Variants in TENM4 observed in about 807,000 individuals in gnomAD.
The protein encoded by TENM4 is teneurin-4.
Under a neutral mutation model 243.3 loss-of-function variants are expected in TENM4, and 82 were observed. That is an observed-to-expected ratio of 0.34 (90% confidence interval 0.28 to 0.40). The LOEUF (loss-of-function observed/expected upper bound fraction) is 0.40, where lower values mean the gene tolerates loss of function less well. Among genes scored for constraint, TENM4 ranks in the 10% least tolerant of loss-of-function variants. The probability of loss-of-function intolerance (pLI) is 1.00; values close to 1 mark genes in which losing one functional copy is unlikely to be tolerated. For synonymous variants in TENM4, 1,412 were observed against 1,456.3 expected (o/e 0.97, Z 0.69); for missense variants, 3,138 against 3,673.3 (o/e 0.85, Z 3.77).
chr11:79,078,213 A>G (rs931897112), intron 4 of TENM4, among the ~76,000 whole-genome samples: 1 of 152,220 alleles, frequency 6.6e-6, no homozygotes, highest in African/African-American at 2.4e-5. Context: ...AATTGACTGA[A>G]TTCCTACTGG....
At chr11:79,160,686 T>C (rs2135083815) in intron 3 of TENM4, among the ~76,000 whole-genome samples, 1 of 152,298 alleles carries the variant, frequency 6.6e-6, no homozygotes, top group East Asian at 1.9e-4. Flanking sequence ...TGAGAATAAG[T>C]TGTCAGCAAT....
chr11:78,942,649 A>T (rs1465643200), intron 6 of TENM4, among the ~76,000 whole-genome samples: 1 of 152,116 alleles, frequency 6.6e-6, no homozygotes, highest in African/African-American at 2.4e-5. Context: ...TCTGTGGGCA[A>T]CACGAGACAG....
chr11:79,001,297 A>G (rs1230450564), intron 6 of TENM4, among the ~76,000 whole-genome samples: 20 of 152,146 alleles, frequency 1.3e-4, no homozygotes, highest in Admixed American at 1.3e-3. Flanking sequence ...GAGGGAAGAC[A>G]TTGATAGTGG....
intron 1 of TENM4, among the ~76,000 whole-genome samples, chr11:79,426,478 C>T (rs557601477): frequency 1.3e-5 from 2 of 152,228 alleles, no homozygotes; most frequent in African/African-American, 4.8e-5. Context: ...TGAATAAATG[C>T]GATAATATAG....
At chr11:78,843,119 A>G (rs1858301145) in intron 12 of TENM4, among the ~76,000 whole-genome samples, 1 of 152,078 alleles carries the variant, frequency 6.6e-6, no homozygotes, top group African/African-American at 2.4e-5. Flanking sequence ...TCTCTACTAA[A>G]AATAAAAAAT....
chr11:79,225,349 T>C (rs747565296), intron 2 of TENM4, among the ~76,000 whole-genome samples: 10 of 152,230 alleles, frequency 6.6e-5, no homozygotes, highest in Non-Finnish European at 1.3e-4. Context: ...ACAATTCTCC[T>C]GCATCTCTGC....
intron 6 of TENM4, among the ~76,000 whole-genome samples, chr11:78,938,179 C>T (rs79656380): frequency 0.01 from 1,586 of 152,326 alleles, 23 homozygotes; most frequent in African/African-American, 0.037. Context: ...CAAGATTCTT[C>T]CTGCTGCAGC....
At chr11:79,062,602 T>A (rs1860131532) in intron 6 of TENM4, among the ~76,000 whole-genome samples, 1 of 152,220 alleles carries the variant, frequency 6.6e-6, no homozygotes. Flanking sequence ...CCTACATTAT[T>A]TGACCACAGA....
intron 32 of TENM4, among the ~76,000 whole-genome samples, chr11:78,668,200 T>C (rs189005773): frequency 5.9e-5 from 9 of 152,274 alleles, no homozygotes; most frequent in African/African-American, 9.6e-5. Flanking sequence ...TTCTTTTTTT[T>C]CCCTCTTTTC....
At chr11:79,297,362 C>T (rs1414981496) in intron 2 of TENM4, 126 bp downstream of exon 2, 1 of 152,608 alleles carries the variant, frequency 6.6e-6, no homozygotes, top group African/African-American at 2.4e-5. Context: ...CTGACTCGTG[C>T]AATACTGACT....
At chr11:78,819,395 C>G (rs1489335105) in intron 12 of TENM4, among the ~76,000 whole-genome samples, 1 of 152,204 alleles carries the variant, frequency 6.6e-6, no homozygotes, top group Non-Finnish European at 1.5e-5. Context: ...AATCCTGAAG[C>G]CTCATTTTGT....
In TENM4 at chr11:79,382,491, A is replaced by G. The variant is rs551152579; in HGVS notation, c.-321+58018T>C. 2.2e-4 allele frequency among the ~76,000 whole-genome samples: 33 copies of G among 152,292 alleles called. No individual in the cohort carries two copies. In the South Asian group the frequency reaches 6.8e-3, roughly 32 times the overall value. ...AGTTCTCAAGAAAGTTTTTACCAGC[A>G]TCTGCAATCCCCCATGCCCTGCAGA... On this transcript the variant is annotated intron_variant, in intron 1 of 33. Transcript: ENST00000278550.
At chr11:79,307,361 T>A (rs1294059473) in intron 1 of TENM4, among the ~76,000 whole-genome samples, 2 of 152,092 alleles carry the variant, frequency 1.3e-5, no homozygotes, top group African/African-American at 4.8e-5. Flanking sequence ...TGATGCCACC[T>A]TCCACCGGCC....
At chr11:79,001,611 T>C (rs1858331604) in intron 6 of TENM4, among the ~76,000 whole-genome samples, 1 of 152,188 alleles carries the variant, frequency 6.6e-6, no homozygotes, top group South Asian at 2.1e-4. Context: ...CGGCCAGGGA[T>C]GGCCATTCTC....
chr11:79,003,225 A>G (rs1238560271), intron 6 of TENM4, among the ~76,000 whole-genome samples: 1 of 152,214 alleles, frequency 6.6e-6, no homozygotes, highest in Non-Finnish European at 1.5e-5. Flanking sequence ...GCAACTTCAT[A>G]TTTGAGGATA....
intron 3 of TENM4, among the ~76,000 whole-genome samples, chr11:79,162,097 G>A (rs1565229754): frequency 6.6e-6 from 1 of 152,122 alleles, no homozygotes; most frequent in African/African-American, 2.4e-5. Flanking sequence ...TTGACGGGAT[G>A]GCCAAGTCTG....
At chr11:79,420,964 A>C (rs1355424658) in intron 1 of TENM4, among the ~76,000 whole-genome samples, 1 of 152,196 alleles carries the variant, frequency 6.6e-6, no homozygotes, top group Non-Finnish European at 1.5e-5. Flanking sequence ...GCTTTGCTGT[A>C]AGTGAAAACC....
At chr11:79,427,137 T>C (rs1859069472) in intron 1 of TENM4, among the ~76,000 whole-genome samples, 1 of 152,176 alleles carries the variant, frequency 6.6e-6, no homozygotes, top group African/African-American at 2.4e-5. Context: ...ACAAGAATGA[T>C]GAAAACTTCC....
intron 2 of TENM4, among the ~76,000 whole-genome samples, chr11:79,276,973 C>A (rs940331031): frequency 6.6e-6 from 1 of 152,164 alleles, no homozygotes; most frequent in Non-Finnish European, 1.5e-5. Context: ...GGTACACCCC[C>A]ACCCCCAATC....
Sources: allele counts gnomAD v4.1 joint callset (sites outside exome capture counted in the v4.1 genomes callset), GRCh38; gene constraint gnomAD v4.1.1; transcripts MANE v1.5; gene names NCBI Gene and HGNC (gene_info 2026-07-23, HGNC 2026-07-21).